Variants in CAST observed in about 807,000 individuals in gnomAD.
CAST encodes MIR583 host.
Under a neutral mutation model 119.6 loss-of-function variants are expected in CAST, and 76 were observed. That is an observed-to-expected ratio of 0.64 (90% CI 0.53 to 0.77). The LOEUF is 0.77. CAST is among the 30% of genes least tolerant of loss of function. The probability of loss-of-function intolerance (pLI) is 0.00; values close to 1 mark genes in which losing one functional copy is unlikely to be tolerated. For missense variants in CAST, 953 were observed against 946.5 expected, an observed-to-expected ratio of 1.01 and a Z score of -0.09; for synonymous variants, 319 against 331.6, an observed-to-expected ratio of 0.96 and a Z score of 0.41.
At chr5:96,162,047 C>T in the CAST span, among the ~76,000 whole-genome samples, 1 of 152,300 alleles carries the variant, frequency 6.6e-6, no homozygotes, top group Non-Finnish European at 1.5e-5. Context: ...ACAAGATCAT[C>T]TTATCTGTAA....
the CAST span, among the ~76,000 whole-genome samples, chr5:96,327,152 C>T: frequency 7.2e-3 from 1,104 of 152,298 alleles, 12 homozygotes; most frequent in African/African-American, 0.026. Context: ...CTGAGTTTCA[C>T]ATTTGTCATC....
At chr5:96,727,697 A>G (rs1759534536) in intron 6 of CAST, among the ~76,000 whole-genome samples, 167 bp downstream of exon 6, 1 of 152,168 alleles carries the variant, frequency 6.6e-6, no homozygotes, top group African/African-American at 2.4e-5. Flanking sequence ...TATATAAAAT[A>G]TAACATTAAG....
At chr5:96,054,316 G>A in the CAST span, among the ~76,000 whole-genome samples, 2 of 151,930 alleles carry the variant, frequency 1.3e-5, no homozygotes, top group African/African-American at 2.4e-5. Context: ...TCACAGGCAC[G>A]ATCACAGCAC....
the CAST span, among the ~76,000 whole-genome samples, chr5:96,109,061 C>A: frequency 1.3e-5 from 2 of 152,222 alleles, no homozygotes. Context: ...CTGAGTGAGG[C>A]AATGCCTCGC....
chr5:96,357,280 G>A, the CAST span, among the ~76,000 whole-genome samples: 2 of 152,186 alleles, frequency 1.3e-5, no homozygotes, highest in Non-Finnish European at 2.9e-5. Flanking sequence ...TCTGCAAACA[G>A]AGACAATTTG....
At chr5:96,388,453 G>A in the CAST span, among the ~76,000 whole-genome samples, 1 of 152,140 alleles carries the variant, frequency 6.6e-6, no homozygotes, top group African/African-American at 2.4e-5. Flanking sequence ...ACAGCGCTGG[G>A]TCACTGAAAA....
intron 1 of CAST, among the ~76,000 whole-genome samples, chr5:96,629,597 G>C (rs1011067008): frequency 6.6e-5 from 10 of 152,194 alleles, no homozygotes; most frequent in African/African-American, 2.4e-4. Context: ...CTTTCAGACA[G>C]TGAACATAGT....
At chr5:96,461,547 CA>C in the CAST span, among the ~76,000 whole-genome samples, 1 of 152,006 alleles carries the variant, frequency 6.6e-6, no homozygotes, top group Non-Finnish European at 1.5e-5. Flanking sequence ...TAATGATAGC[CA>C]TCCTAGTGAA....
At chr5:96,172,985 A>T in the CAST span, among the ~76,000 whole-genome samples, 2 of 152,222 alleles carry the variant, frequency 1.3e-5, no homozygotes, top group Non-Finnish European at 2.9e-5. Context: ...TCATGAGAAA[A>T]TAAATGTTAG....
the CAST span, among the ~76,000 whole-genome samples, chr5:96,189,061 T>C: frequency 7.2e-5 from 11 of 152,234 alleles, no homozygotes; most frequent in Non-Finnish European, 1.5e-4. Flanking sequence ...CTCAGTATAT[T>C]TTATCAACAA....
chr5:96,649,668 T>A (rs1490917402), intron 1 of CAST, among the ~76,000 whole-genome samples: 1 of 152,250 alleles, frequency 6.6e-6, no homozygotes, highest in Non-Finnish European at 1.5e-5. Flanking sequence ...ACTAGTGATG[T>A]AACTTTGACC....
the CAST span, among the ~76,000 whole-genome samples, chr5:96,310,830 T>A: frequency 6.6e-6 from 1 of 151,152 alleles, no homozygotes; most frequent in African/African-American, 2.4e-5. Context: ...TTGGTTAGTC[T>A]AGCCAAAGGT....
At chr5:96,457,541 G>GC in the CAST span, among the ~76,000 whole-genome samples, 1 of 152,090 alleles carries the variant, frequency 6.6e-6, no homozygotes, top group African/African-American at 2.4e-5. Context: ...TGTTGCTCCA[G>GC]CCACCCTGGC....
chr5:96,543,019 C>A (rs1285916503), intron 1 of CAST, among the ~76,000 whole-genome samples: 1 of 152,178 alleles, frequency 6.6e-6, no homozygotes, highest in East Asian at 1.9e-4. Context: ...TTGACCCAGC[C>A]ATCCCATTAC....
the CAST span, among the ~76,000 whole-genome samples, chr5:96,506,910 A>C: frequency 6.6e-6 from 1 of 152,210 alleles, no homozygotes; most frequent in Non-Finnish European, 1.5e-5. Context: ...CTGGAAAATC[A>C]CACACAGGTT....
chr5:96,024,844 A>G, the CAST span, among the ~76,000 whole-genome samples: 1 of 152,182 alleles, frequency 6.6e-6, no homozygotes, highest in Non-Finnish European at 1.5e-5. Context: ...AGGGTGTCCA[A>G]CGCTCCCTTT....
the CAST span, among the ~76,000 whole-genome samples, chr5:96,315,219 T>G: frequency 1.3e-5 from 2 of 152,356 alleles, no homozygotes; most frequent in East Asian, 3.9e-4. Flanking sequence ...AACAATTGTT[T>G]AGTATAAGTA....
the CAST span, among the ~76,000 whole-genome samples, chr5:96,142,382 C>G: frequency 6.6e-6 from 1 of 152,178 alleles, no homozygotes; most frequent in African/African-American, 2.4e-5. Flanking sequence ...CCACTGCACT[C>G]CAGCCTGGGC....
At chr5:96,134,702 A>G in the CAST span, among the ~76,000 whole-genome samples, 2,393 of 152,326 alleles carry the variant, frequency 0.016, 50 homozygotes, top group African/African-American at 0.054. Flanking sequence ...AGAACATCTA[A>G]ATAAAGAAGT....
Sources: allele counts gnomAD v4.1 joint callset (sites outside exome capture counted in the v4.1 genomes callset), GRCh38; gene constraint gnomAD v4.1.1; transcripts MANE v1.5; gene names NCBI Gene and HGNC (gene_info 2026-07-23, HGNC 2026-07-21).